ESCO1: variants seen among roughly 807,000 people sequenced by gnomAD.
ESCO1 encodes N-acetyltransferase ESCO1.
ESCO1 carries 33 observed loss-of-function variants against 83.5 expected under a neutral mutation model. That is an observed-to-expected ratio of 0.40 (90% CI 0.30 to 0.53). ESCO1 has a LOEUF of 0.53. Ranked by LOEUF, ESCO1 falls within the 20% of genes least tolerant of loss-of-function variation. The pLI, the probability that ESCO1 is intolerant of heterozygous loss-of-function variation, is 0.63. For synonymous variants in ESCO1, 332 were observed against 324.3 expected, an observed-to-expected ratio of 1.02 and a Z score of -0.25; for missense variants, 855 against 968.0, an observed-to-expected ratio of 0.88 and a Z score of 1.55.
In ESCO1 at chr18:21,574,791, T is replaced by C. The variant is rs185403786; in HGVS notation, c.53A>G (p.Lys18Arg). The C allele has an allele frequency of 1.5e-4, 242 of 1,600,642 alleles. No individual in the cohort carries two copies. The East Asian group carries it at 5.2e-3, about 34-fold the overall frequency. The change falls in exon 4 of 12, where the codon AAA becomes AGA. Residue 18 changes from lysine to arginine, a missense_variant. Physicochemically the swap from Lys to Arg is conservative, Grantham distance 26. This residue lies in a region of ESCO1 where 726 missense variants were observed against 699.5 expected (regional missense o/e 1.04). Coordinates refer to ENST00000269214, the MANE Select transcript of ESCO1 (RefSeq NM_052911.3). Reference protein sequence around the residue: ...SKENSSKVTKKSDDKNSETEI... With the variant: ...SKENSSKVTKRSDDKNSETEI... ...TGTTTCTGAATTCTTATCGTCACTT[T>C]TTTTAGTAACTTTGGAGGAATTCTC...
chr18:21,593,585 A>G (rs908764289), intron 1 of ESCO1: 1 of 21,368 alleles, frequency 4.7e-5, no homozygotes, highest in African/African-American at 9.9e-5. Context: ...CCGTGGAAAG[A>G]GAGGGAGACC....
At chr18:21,595,056 A>T (rs896206005) in intron 1 of ESCO1, among the ~76,000 whole-genome samples, 2 of 151,446 alleles carry the variant, frequency 1.3e-5, no homozygotes. Context: ...CATGTTGCCC[A>T]GGCTGGTCTC....
chr18:21,579,453 C>CCCCA (rs1411499110), intron 2 of ESCO1, among the ~76,000 whole-genome samples: 3 of 151,376 alleles, frequency 2.0e-5, no homozygotes, highest in Non-Finnish European at 4.4e-5. Context: ...CAAAGCAAGA[C>CCCCA]CCCATCTCTT....
Position 21,574,537 on chromosome 18 carries a change from A to G in ESCO1, c.307T>C (p.Ser103Pro). The stretch of plus-strand genomic sequence containing the variant: ...TTTTCATGTACTAATTTTTTCTGAG[A>G]TAATTTCTTTTTTGTAGATTCTTGT... ...YSQESTKKKL[S>P]QKKLVHENPK... The change falls in exon 4 of 12, where the codon TCT becomes CCT. Residue 103 changes from serine (S) to proline (P), a missense_variant. Ser to Pro is a moderately conservative substitution (Grantham distance 74). Transcript: ENST00000269214. The G allele has an allele frequency of 3.1e-6, 5 of 1,613,602 alleles. No individual in the cohort carries two copies. Among genetic ancestry groups the G allele is most frequent in the Non-Finnish European group, 2.5e-6 (3 of 1,179,906 alleles).
At chr18:21,536,987 T>C (rs1433467481) in intron 9 of ESCO1, among the ~76,000 whole-genome samples, 3 of 152,210 alleles carry the variant, frequency 2.0e-5, no homozygotes, top group Non-Finnish European at 4.4e-5. Flanking sequence ...ATCCCACATT[T>C]CTTGGAGGTT....
intron 1 of ESCO1, among the ~76,000 whole-genome samples, chr18:21,596,218 G>A (rs540782358): frequency 9.1e-5 from 13 of 142,386 alleles, no homozygotes; most frequent in South Asian, 2.3e-4. Flanking sequence ...GTGAAATCCC[G>A]TCTCTTCAAA....
chr18:21,561,245 A>C (rs1156967721), intron 7 of ESCO1, among the ~76,000 whole-genome samples: 3 of 152,332 alleles, frequency 2.0e-5, no homozygotes, highest in Non-Finnish European at 4.4e-5. Flanking sequence ...TTAATATTAC[A>C]AACTTAGTCC....
intron 4 of ESCO1, among the ~76,000 whole-genome samples, chr18:21,569,195 T>C (rs902240119): frequency 3.3e-5 from 5 of 152,252 alleles, no homozygotes; most frequent in Non-Finnish European, 7.3e-5. Context: ...GTGTCTGACT[T>C]ACCTATAAAG....
chr18:21,539,382 G>A (rs1259448459), intron 9 of ESCO1, among the ~76,000 whole-genome samples: 1 of 151,968 alleles, frequency 6.6e-6, no homozygotes, highest in Non-Finnish European at 1.5e-5. Flanking sequence ...ACTAATACAG[G>A]ACAATTTAGT....
At chr18:21,550,576 A>T in intron 8 of ESCO1, among the ~76,000 whole-genome samples, 1 of 152,228 alleles carries the variant, frequency 6.6e-6, no homozygotes, top group East Asian at 1.9e-4. Context: ...TGTAAATCTC[A>T]TCTCAAAGGT....
In ESCO1 at chr18:21,568,540, C is replaced by T. The variant is rs190011568; in HGVS notation, c.1531-446G>A. ...ATATGGTCATCACTCCCACATCTAA[C>T]TAGTGAGTGCACTTAAAATGTGGTA... On this transcript the variant is annotated intron_variant, in intron 4 of 11. Transcript: ENST00000269214. 7.7e-3 allele frequency among the ~76,000 whole-genome samples: 1,172 copies of T among 152,340 alleles called. 7 individuals carry two copies. Among genetic ancestry groups the T allele is most frequent in the Non-Finnish European group, 0.013 (891 of 68,032 alleles).
chr18:21,535,298 TCTG>T (rs1479534291), intron 10 of ESCO1, among the ~76,000 whole-genome samples: 2 of 151,412 alleles, frequency 1.3e-5, no homozygotes, highest in Non-Finnish European at 2.9e-5. Context: ...CACTACAACC[TCTG>T]CCTCCTGGGT....
chr18:21,551,911 A>G (rs970128325), intron 8 of ESCO1, among the ~76,000 whole-genome samples: 3 of 152,226 alleles, frequency 2.0e-5, no homozygotes, highest in Non-Finnish European at 2.9e-5. Context: ...AGACAAAAGA[A>G]AAGAGAAAGC....
chr18:21,563,820 T>C (rs956564078), intron 7 of ESCO1, among the ~76,000 whole-genome samples: 1 of 152,130 alleles, frequency 6.6e-6, no homozygotes, highest in African/African-American at 2.4e-5. Context: ...TGACAGTGTT[T>C]GGAGGTGGGG....
At chr18:21,547,705 C>G (rs779542353) in intron 8 of ESCO1, among the ~76,000 whole-genome samples, 13 of 151,910 alleles carry the variant, frequency 8.6e-5, no homozygotes, top group Non-Finnish European at 1.9e-4. Flanking sequence ...CAGGAACCTA[C>G]AAGAAAAGGC....
chr18:21,597,758 G>C (rs2038786631), intron 1 of ESCO1, among the ~76,000 whole-genome samples: 1 of 152,108 alleles, frequency 6.6e-6, no homozygotes, highest in Non-Finnish European at 1.5e-5. Flanking sequence ...GTTTTTGTGT[G>C]AATCTTACAC....
Position 21,536,194 on chromosome 18 carries a change from T to G in ESCO1, c.2044-9A>C. ...TCTCTAATCTCGTCAACCTGCCAAA[T>G]AAAGAACAGTAATTATTTTTAAATG... On this transcript the variant is annotated splice_polypyrimidine_tract_variant and intron_variant, in intron 9 of 11. Transcript: ENST00000269214. 3.1e-6 allele frequency: 5 copies of G among 1,603,992 alleles called. No individual in the cohort carries two copies. Among genetic ancestry groups the G allele is most frequent in the Non-Finnish European group, 4.2e-6 (5 of 1,176,966 alleles).
At chr18:21,599,595 A>C (rs1335791440) in intron 1 of ESCO1, among the ~76,000 whole-genome samples, 1 of 152,156 alleles carries the variant, frequency 6.6e-6, no homozygotes, top group African/African-American at 2.4e-5. Context: ...TTGTAATACT[A>C]TCTAGATACT....
At chr18:21,568,988 G>A (rs977222013) in intron 4 of ESCO1, among the ~76,000 whole-genome samples, 1 of 152,032 alleles carries the variant, frequency 6.6e-6, no homozygotes, top group Non-Finnish European at 1.5e-5. Flanking sequence ...TGGCTACCAG[G>A]TAATTTTAAA....
Sources: gnomAD v4.1 joint callset for allele counts (sites outside exome capture counted in the v4.1 genomes callset) on GRCh38, gnomAD v4.1.1 for gene constraint, gnomAD v4.1.1 regional missense constraint, MANE v1.5 for transcripts, NCBI Gene and HGNC (gene_info 2026-07-23, HGNC 2026-07-21) for gene names.